The following RHOJ variants were observed in gnomAD, a reference collection of about 807,000 sequenced individuals.
RHOJ encodes the protein ras homolog family member J.
RHOJ carries 11 observed loss-of-function variants against 23.4 expected under a neutral mutation model. The ratio of observed to expected loss-of-function variants is 0.47; its 90% CI spans 0.30 to 0.78. The LOEUF (loss-of-function observed/expected upper bound fraction) is 0.78, where lower values mean the gene tolerates loss of function less well. Ranked by LOEUF, RHOJ falls within the 30% of genes least tolerant of loss-of-function variation. The pLI is 0.08. For missense variants in RHOJ, 254 were observed against 273.4 expected (o/e 0.93, Z 0.50); for synonymous variants, 102 against 102.7 (o/e 0.99, Z 0.04).
At chr14:63,217,096 T>A (rs1276874200) in intron 1 of RHOJ, among the ~76,000 whole-genome samples, 1 of 148,834 alleles carries the variant, frequency 6.7e-6, no homozygotes, top group East Asian at 2.0e-4. Flanking sequence ...TTTTTTTTTT[T>A]ATTATTATAC....
chr14:63,283,030 A>T, intron 3 of RHOJ, 91 bp from the exon 4 acceptor site: 1 of 1,022,274 alleles, frequency 9.8e-7, no homozygotes, highest in Non-Finnish European at 1.5e-6. Flanking sequence ...CAAAGATGTT[A>T]ACAGGGAAAA....
intron 1 of RHOJ, among the ~76,000 whole-genome samples, chr14:63,261,983 C>T (rs1895280882): frequency 6.6e-6 from 1 of 152,134 alleles, no homozygotes; most frequent in South Asian, 2.1e-4. Context: ...GTCAGGCATG[C>T]CTCATTCTAA....
At chr14:63,260,575 T>C (rs541071766) in intron 1 of RHOJ, among the ~76,000 whole-genome samples, 88 of 152,346 alleles carry the variant, frequency 5.8e-4, no homozygotes, top group African/African-American at 2.0e-3. Context: ...ATGTTCATGA[T>C]AGCAAAGAAT....
chr14:63,213,458 G>A (rs1894283825), intron 1 of RHOJ, among the ~76,000 whole-genome samples: 1 of 152,148 alleles, frequency 6.6e-6, no homozygotes, highest in African/African-American at 2.4e-5. Context: ...TGCTGCAAAA[G>A]ACATGATTTC....
chr14:63,223,251 A>G (rs1894531790), intron 1 of RHOJ, among the ~76,000 whole-genome samples: 1 of 152,168 alleles, frequency 6.6e-6, no homozygotes, highest in South Asian at 2.1e-4. Context: ...TTGGTCTAGG[A>G]AAGAGGTCCT....
chr14:63,252,505 A>G (rs978047419), intron 1 of RHOJ, among the ~76,000 whole-genome samples: 4 of 152,354 alleles, frequency 2.6e-5, no homozygotes, highest in Non-Finnish European at 4.4e-5. Flanking sequence ...AATACTTTTC[A>G]TCCTGAAAAA....
chr14:63,252,627 T>C (rs1236590023), intron 1 of RHOJ, among the ~76,000 whole-genome samples: 1 of 152,204 alleles, frequency 6.6e-6, no homozygotes, highest in Non-Finnish European at 1.5e-5. Context: ...TTATTCCTCC[T>C]GCCTAGAATT....
chr14:63,227,151 C>T (rs982686288), intron 1 of RHOJ, among the ~76,000 whole-genome samples: 1 of 152,094 alleles, frequency 6.6e-6, no homozygotes, highest in Non-Finnish European at 1.5e-5. Context: ...GGGGTTTCAC[C>T]ATGTTGGCCA....
chr14:63,255,418 A>C (rs1895145528), intron 1 of RHOJ, among the ~76,000 whole-genome samples: 1 of 152,214 alleles, frequency 6.6e-6, no homozygotes, highest in Admixed American at 6.5e-5. Flanking sequence ...GGGAAGGATG[A>C]GAGCCTTGTC....
intron 1 of RHOJ, among the ~76,000 whole-genome samples, chr14:63,245,145 T>C (rs1894954203): frequency 6.6e-6 from 1 of 152,218 alleles, no homozygotes; most frequent in African/African-American, 2.4e-5. Context: ...ACCCAAAGTG[T>C]TTCCATCTTG....
intron 2 of RHOJ, among the ~76,000 whole-genome samples, chr14:63,278,602 G>A (rs1306944609): frequency 6.6e-6 from 1 of 152,008 alleles, no homozygotes; most frequent in East Asian, 1.9e-4. Flanking sequence ...ATGATATATT[G>A]TTTTAAAAAA....
chr14:63,267,271 G>C (rs550106240), intron 1 of RHOJ, among the ~76,000 whole-genome samples: 1 of 152,322 alleles, frequency 6.6e-6, no homozygotes, highest in South Asian at 2.1e-4. Context: ...AGGAAAAACA[G>C]ACTGGAGAGA....
At chr14:63,290,778 A>C (rs1332080693) in intron 4 of RHOJ, 100 bp from the exon 5 acceptor site, 3 of 1,133,280 alleles carry the variant, frequency 2.6e-6, no homozygotes, top group Non-Finnish European at 3.7e-6. Flanking sequence ...GGCTGTTTGT[A>C]GGACAGGCAG....
chr14:63,251,458 C>A (rs1255983063), intron 1 of RHOJ, among the ~76,000 whole-genome samples: 1 of 152,158 alleles, frequency 6.6e-6, no homozygotes, highest in Non-Finnish European at 1.5e-5. Flanking sequence ...GAATTTTTCA[C>A]AGTCTCAATT....
At chr14:63,221,346 A>G (rs977348199) in intron 1 of RHOJ, among the ~76,000 whole-genome samples, 3 of 152,166 alleles carry the variant, frequency 2.0e-5, no homozygotes, top group South Asian at 2.1e-4. Flanking sequence ...GTATATATAT[A>G]TAACTGCTTC....
intron 1 of RHOJ, among the ~76,000 whole-genome samples, chr14:63,239,083 CT>C (rs1489726637): frequency 6.6e-6 from 1 of 151,984 alleles, no homozygotes; most frequent in African/African-American, 2.4e-5. Flanking sequence ...TGAATACCAA[CT>C]CATGGTTTTT....
At chr14:63,217,722 G>A (rs1266322397) in intron 1 of RHOJ, among the ~76,000 whole-genome samples, 1 of 152,140 alleles carries the variant, frequency 6.6e-6, no homozygotes, top group African/African-American at 2.4e-5. Flanking sequence ...CTTCTGCACA[G>A]CAAAAGAAAC....
intron 3 of RHOJ, among the ~76,000 whole-genome samples, chr14:63,282,107 G>A (rs191934124): frequency 2.0e-3 from 302 of 152,250 alleles, no homozygotes; most frequent in Non-Finnish European, 3.2e-3. Context: ...AAAGATAATC[G>A]TTTGTTTAAA....
intron 1 of RHOJ, among the ~76,000 whole-genome samples, chr14:63,240,178 G>A (rs73266475): frequency 1.2e-4 from 18 of 152,246 alleles, no homozygotes; most frequent in African/African-American, 3.1e-4. Flanking sequence ...GAGGTAATTC[G>A]TGGTGAAACA....
Sources: gnomAD v4.1 joint callset for allele counts (sites outside exome capture counted in the v4.1 genomes callset) on GRCh38, gnomAD v4.1.1 for gene constraint, MANE v1.5 for transcripts, NCBI Gene and HGNC (gene_info 2026-07-23, HGNC 2026-07-21) for gene names.